Variants in RANBP17 observed in about 807,000 individuals in gnomAD.
RANBP17 encodes the protein ran-binding protein 17.
Under a neutral mutation model 141.2 loss-of-function variants are expected in RANBP17, and 158 were observed. That is an observed-to-expected ratio of 1.12 (90% confidence interval 0.98 to 1.28). The LOEUF (loss-of-function observed/expected upper bound fraction) is 1.28. RANBP17 is among the 50% of genes most tolerant of loss of function. RANBP17 has a pLI of 0.00. For synonymous variants in RANBP17, 430 were observed against 450.0 expected (o/e 0.96, Z 0.56); for missense variants, 1,438 against 1,290.7 (o/e 1.11, Z -1.75).
At chr5:171,080,244 AACACACAC>A (rs5873252) in intron 14 of RANBP17, among the ~76,000 whole-genome samples, 21 of 147,860 alleles carry the variant, frequency 1.4e-4, no homozygotes, top group South Asian at 2.2e-4. Context: ...ACACACACAA[AACACACAC>A]ACACACACAC....
intron 12 of RANBP17, among the ~76,000 whole-genome samples, chr5:170,925,890 G>A (rs1772878206): frequency 6.6e-6 from 1 of 152,028 alleles, no homozygotes; most frequent in Non-Finnish European, 1.5e-5. Flanking sequence ...TTCATTTTCA[G>A]TACCATGCAC....
At chr5:170,895,457 A>G (rs1321068456) in intron 4 of RANBP17, among the ~76,000 whole-genome samples, 1 of 152,170 alleles carries the variant, frequency 6.6e-6, no homozygotes, top group Non-Finnish European at 1.5e-5. Context: ...AACATTATAT[A>G]GATAGTCATG....
Position 171,071,372 on chromosome 5 carries a change from G to A in RANBP17, c.1711-98758G>A, listed in dbSNP as rs555112655. On this transcript the variant is annotated intron_variant, in intron 14 of 27. Coordinates refer to ENST00000523189, the MANE Select transcript of RANBP17 (RefSeq NM_022897.5). The stretch of plus-strand genomic sequence containing the variant: ...ACAAGCTAATTCTAAAACTTATGTG[G>A]AAAGGCAAGTGAACTAGAAGAGCCC... Among the ~76,000 whole-genome samples, 55 of 152,038 alleles carry A rather than the reference G, an allele frequency of 3.6e-4. 1 individual carries two copies. The South Asian group carries it at 0.011, about 30-fold the overall frequency.
chr5:171,130,780 A>G (rs898511234), intron 14 of RANBP17, among the ~76,000 whole-genome samples: 8 of 152,182 alleles, frequency 5.3e-5, no homozygotes, highest in African/African-American at 1.7e-4. Context: ...TATTTTGAGA[A>G]TACAGATACA....
intron 14 of RANBP17, among the ~76,000 whole-genome samples, chr5:170,978,146 T>A (rs1296302380): frequency 6.6e-6 from 1 of 152,136 alleles, no homozygotes; most frequent in African/African-American, 2.4e-5. Context: ...TACTAATTAA[T>A]ACCTAAGTGA....
chr5:170,957,316 G>A (rs373569553), intron 13 of RANBP17, among the ~76,000 whole-genome samples: 11 of 152,054 alleles, frequency 7.2e-5, no homozygotes, highest in African/African-American at 2.7e-4. Flanking sequence ...AGGTTAGGGA[G>A]AAGAGTACAT....
At chr5:171,236,189 A>T (rs1180199579) in intron 22 of RANBP17, among the ~76,000 whole-genome samples, 1 of 152,182 alleles carries the variant, frequency 6.6e-6, no homozygotes, top group Admixed American at 6.5e-5. Context: ...TGCTCCTTCC[A>T]ATGATAAGTG....
At chr5:171,106,006 G>T (rs1382984766) in intron 14 of RANBP17, among the ~76,000 whole-genome samples, 8 of 152,116 alleles carry the variant, frequency 5.3e-5, no homozygotes, top group African/African-American at 1.9e-4. Context: ...TAGTAAGCTG[G>T]GTAAGCAAAT....
At chr5:171,234,966 G>A (rs530702590) in intron 22 of RANBP17, among the ~76,000 whole-genome samples, 5 of 152,330 alleles carry the variant, frequency 3.3e-5, no homozygotes, top group African/African-American at 1.2e-4. Context: ...CTAGGGGTGA[G>A]TGTAAATATA....
intron 14 of RANBP17, among the ~76,000 whole-genome samples, chr5:171,071,571 G>A (rs1784634126): frequency 7.0e-6 from 1 of 143,662 alleles, no homozygotes; most frequent in Admixed American, 7.3e-5. Context: ...TCAACTGACT[G>A]TTGGCAGAAG....
intron 25 of RANBP17, 133 bp from the exon 26 acceptor site, chr5:171,293,750 G>A (rs1768648892): frequency 2.8e-6 from 2 of 701,822 alleles, no homozygotes; most frequent in Admixed American, 2.0e-5. Context: ...CCAGAGTCTA[G>A]TCCGTTTGTC....
In RANBP17 at chr5:170,913,576, A is replaced by G. The variant is rs188543773; in HGVS notation, c.761-591A>G. ...TAATAAATGTAAACACATAGAATTG[A>G]TTTAATCACAAATTGTGATAATAGT... On this transcript the variant is annotated intron_variant, in intron 7 of 27. Coordinates refer to ENST00000523189, the MANE Select transcript of RANBP17 (RefSeq NM_022897.5). 6.7e-4 allele frequency among the ~76,000 whole-genome samples: 102 copies of G among 152,212 alleles called. 2 individuals are homozygous for G. The East Asian group carries it at 0.017, about 25-fold the overall frequency.
intron 14 of RANBP17, among the ~76,000 whole-genome samples, chr5:171,128,800 T>TA (rs956213739): frequency 3.6e-5 from 5 of 137,404 alleles, no homozygotes; most frequent in Non-Finnish European, 6.4e-5. Flanking sequence ...TATTTATTAA[T>TA]AAAAAAATAA....
At chr5:170,944,615 C>G (rs1037506909) in intron 12 of RANBP17, among the ~76,000 whole-genome samples, 4 of 152,184 alleles carry the variant, frequency 2.6e-5, no homozygotes, top group African/African-American at 9.7e-5. Context: ...AACATTAATT[C>G]TAACTCATTC....
At chr5:170,995,250 G>T (rs961063629) in intron 14 of RANBP17, among the ~76,000 whole-genome samples, 2 of 151,942 alleles carry the variant, frequency 1.3e-5, no homozygotes, top group Non-Finnish European at 2.9e-5. Context: ...GCCAAGCTAC[G>T]TACCCATTTT....
intron 12 of RANBP17, among the ~76,000 whole-genome samples, chr5:170,934,722 C>G (rs536321175): frequency 4.6e-5 from 7 of 152,338 alleles, no homozygotes; most frequent in East Asian, 1.9e-4. Flanking sequence ...ACCTTTCTCT[C>G]TAGCTGCCCT....
chr5:171,246,035 C>T (rs887630455), intron 24 of RANBP17, among the ~76,000 whole-genome samples: 25 of 152,174 alleles, frequency 1.6e-4, no homozygotes, highest in African/African-American at 5.3e-4. Flanking sequence ...TGTGCCACCA[C>T]GCCTAGCTAA....
chr5:171,005,076 T>C (rs1015126438), intron 14 of RANBP17, among the ~76,000 whole-genome samples: 2 of 152,144 alleles, frequency 1.3e-5, no homozygotes, highest in Non-Finnish European at 2.9e-5. Context: ...GATTCCAATT[T>C]TTGAAGCTTT....
At chr5:171,012,122 A>T (rs1239800398) in intron 14 of RANBP17, among the ~76,000 whole-genome samples, 5 of 151,740 alleles carry the variant, frequency 3.3e-5, no homozygotes, top group East Asian at 1.9e-4. Context: ...TTAAACAAAT[A>T]ATATAATTTG....
Sources: allele counts gnomAD v4.1 joint callset (sites outside exome capture counted in the v4.1 genomes callset), GRCh38; gene constraint gnomAD v4.1.1; transcripts MANE v1.5; gene names NCBI Gene and HGNC (gene_info 2026-07-23, HGNC 2026-07-21).